The following PDXDC1 variants were observed in gnomAD, a reference collection of about 807,000 sequenced individuals.
The protein encoded by PDXDC1 is pyridoxal dependent decarboxylase domain containing 1, also known as pyridoxal-dependent decarboxylase domain-containing protein 1.
In PDXDC1, 42 loss-of-function variants were observed where a neutral mutation model predicts 100.1. That is an observed-to-expected ratio of 0.42 (90% CI 0.33 to 0.54). The LOEUF (loss-of-function observed/expected upper bound fraction) is 0.54. Ranked by LOEUF, PDXDC1 falls within the 20% of genes least tolerant of loss-of-function variation. The pLI is 0.10. For synonymous variants in PDXDC1, 260 were observed against 371.7 expected, an observed-to-expected ratio of 0.70 and a Z score of 3.46; for missense variants, 636 against 979.2, an observed-to-expected ratio of 0.65 and a Z score of 4.68.
At chr16:15,019,230 G>A (rs994887697) in intron 12 of PDXDC1, among the ~76,000 whole-genome samples, 1 of 152,280 alleles carries the variant, frequency 6.6e-6, no homozygotes, top group African/African-American at 2.4e-5. Flanking sequence ...AGAAGTCACA[G>A]ATGACTTCCA....
intron 16 of PDXDC1, chr16:15,068,116 C>T (rs2045056431): frequency 1.3e-6 from 2 of 1,496,620 alleles, no homozygotes; most frequent in Non-Finnish European, 1.8e-6. Flanking sequence ...ACTAGATAAA[C>T]ATAAATAAAA....
At chr16:15,038,601 C>T (rs989730925), downstream of PDXDC1, 4 of 1,602,930 alleles carry the variant, frequency 2.5e-6, no homozygotes, top group African/African-American at 5.4e-5. Context: ...CATCTTGGTG[C>T]AACCAGAAAT....
chr16:15,072,064 C>A (rs1469517467), intron 16 of PDXDC1, among the ~76,000 whole-genome samples: 1 of 152,114 alleles, frequency 6.6e-6, no homozygotes, highest in Non-Finnish European at 1.5e-5. Context: ...AAAACAGACA[C>A]AGCTTCTCAC....
chr16:15,018,292 C>T (rs1202886222), intron 11 of PDXDC1, among the ~76,000 whole-genome samples: 2 of 152,338 alleles, frequency 1.3e-5, no homozygotes, highest in Admixed American at 6.5e-5. Context: ...GCCTGTAGTC[C>T]CAGCTACTCA....
At chr16:15,146,632 G>C in the PDXDC1 span, among the ~76,000 whole-genome samples, 1 of 152,138 alleles carries the variant, frequency 6.6e-6, no homozygotes, top group Non-Finnish European at 1.5e-5. Flanking sequence ...GTCCATAAGA[G>C]TCCACCCGCC....
At chr16:15,101,910 G>A (rs752160762) in intron 16 of PDXDC1, among the ~76,000 whole-genome samples, 168 of 151,776 alleles carry the variant, frequency 1.1e-3, no homozygotes, top group Middle Eastern at 3.4e-3. Flanking sequence ...CTGCAATGGC[G>A]TGATCTTGGC....
chr16:15,133,346 C>G (rs2048199381), intron 16 of PDXDC1: 5 of 1,176,262 alleles, frequency 4.3e-6, no homozygotes, highest in Non-Finnish European at 6.2e-6. Flanking sequence ...CGGGAGCACA[C>G]TAGCGGTGAG....
intron 7 of PDXDC1, among the ~76,000 whole-genome samples, chr16:15,009,107 A>G (rs1437541168): frequency 1.3e-5 from 2 of 152,296 alleles, no homozygotes; most frequent in African/African-American, 2.4e-5. Flanking sequence ...TGGCAGCTCA[A>G]TTAAGCACCA....
At position 14,975,179 on chromosome 16, in the gene PDXDC1, C is replaced by A; in HGVS notation, c.-21C>A. ...GGAAGTAGAGCCCGGGACCGCCAGG[C>A]CACCACCGGCCGCCTCAGCCATGGA... On this transcript the variant is annotated 5_prime_UTR_variant, in exon 1 of 23. Transcript: ENST00000396410. 1 of 1,452,878 alleles carries A rather than the reference C, an allele frequency of 6.9e-7. No individual in the cohort carries two copies. The allele number at this position is 1,452,878 out of a possible 1,614,324, so 90.0% of individuals were successfully genotyped here. A position where few individuals can be genotyped will look rare whatever the true frequency, so the allele number is the denominator to read the frequency against.
intron 16 of PDXDC1, chr16:15,094,189 G>A (rs781068032): frequency 6.2e-6 from 10 of 1,601,204 alleles, no homozygotes; most frequent in Admixed American, 3.4e-5. Context: ...AGGACGAAGC[G>A]GCCGCATCTC....
At chr16:15,104,160 A>C (rs1419250242) in intron 16 of PDXDC1, among the ~76,000 whole-genome samples, 2 of 67,910 alleles carry the variant, frequency 2.9e-5, no homozygotes, top group African/African-American at 1.2e-4. Context: ...GTGACAGAGC[A>C]AACTCCAGTC....
chr16:15,033,126 C>A, intron 18 of PDXDC1, 147 bp downstream of exon 18: 1 of 1,007,198 alleles, frequency 9.9e-7, no homozygotes, highest in Non-Finnish European at 1.5e-6. Flanking sequence ...CCCTCCCCTT[C>A]TGCAGCCTTG....
At position 14,988,669 on chromosome 16, in the gene PDXDC1, C is replaced by T. The variant is rs113531425; in HGVS notation, c.22-9084C>T. On this transcript the variant is annotated intron_variant, in intron 1 of 22. Transcript: ENST00000396410. ...AGGTAGGGCTTGCCCTCGGCATCCGCCAGCACGGCCAGGTTGATATGGTCG... is the reference window on the plus strand; with the variant it reads ...AGGTAGGGCTTGCCCTCGGCATCCGTCAGCACGGCCAGGTTGATATGGTCG... The T allele has an allele frequency of 0.011, 17,473 of 1,609,756 alleles. 181 individuals are homozygous for T. In the African/African-American group the frequency reaches 0.21, roughly 19 times the overall value.
At chr16:15,131,216 G>T (rs931040725) in intron 16 of PDXDC1, 2 of 1,589,962 alleles carry the variant, frequency 1.3e-6, no homozygotes, top group African/African-American at 2.7e-5. Context: ...CGGTGGCCCC[G>T]GGCAGCCCAG....
intron 2 of PDXDC1, among the ~76,000 whole-genome samples, 160 bp from the exon 3 acceptor site, chr16:14,998,180 C>T (rs1197419937): frequency 5.3e-5 from 8 of 152,262 alleles, no homozygotes; most frequent in African/African-American, 9.6e-5. Flanking sequence ...GAAATTCAAA[C>T]GATACCTGAA....
intron 16 of PDXDC1, among the ~76,000 whole-genome samples, chr16:15,097,003 T>A (rs1414506534): frequency 3.3e-5 from 5 of 152,142 alleles, no homozygotes; most frequent in African/African-American, 1.2e-4. Flanking sequence ...GACTCACACC[T>A]GTAATGCCAG....
downstream of PDXDC1, among the ~76,000 whole-genome samples, chr16:15,139,992 G>C (rs1338683952): frequency 1.3e-5 from 2 of 150,220 alleles, no homozygotes; most frequent in Non-Finnish European, 2.9e-5. Flanking sequence ...AGCCACTCTG[G>C]AGGCTGAGGC....
At chr16:15,131,482 T>C (rs1287012552) in intron 16 of PDXDC1, 7 of 1,607,376 alleles carry the variant, frequency 4.4e-6, no homozygotes, top group Admixed American at 1.7e-5. Context: ...GGCGCCGCCA[T>C]AGCACAGCAG....
chr16:15,047,915 T>G lies in PDXDC1; in HGVS notation c.1399+17859T>G. ...GCATCATCAGAACCCAGAATGGAGA[T>G]GGAGCCTGTTTAAAAAAGAAATAAA... On this transcript the variant is annotated intron_variant, in intron 16 of 16. Coordinates refer to the PDXDC1 transcript ENST00000535621. 6.2e-7 allele frequency: 1 copy of G among 1,613,338 alleles called. No individual in the cohort carries two copies. The highest frequency in any genetic ancestry group is 8.5e-7 in the Non-Finnish European group (1 of 1,179,268).
Sources: allele counts gnomAD v4.1 joint callset (sites outside exome capture counted in the v4.1 genomes callset), GRCh38; gene constraint gnomAD v4.1.1; transcripts MANE v1.5; gene names NCBI Gene and HGNC (gene_info 2026-07-23, HGNC 2026-07-21).